The following XAGE2 variants were observed in gnomAD, a reference collection of about 807,000 sequenced individuals.
XAGE2 encodes G antigen family D member 3.
Under a neutral mutation model 9.9 loss-of-function variants are expected in XAGE2, and 7 were observed. That is an observed-to-expected ratio of 0.71 (90% CI 0.40 to 1.32). The LOEUF is 1.32. XAGE2 is among the 40% of genes most tolerant of loss of function. XAGE2 has a pLI of 0.01. For synonymous variants in XAGE2, 31 were observed against 26.8 expected, an observed-to-expected ratio of 1.16 and a Z score of -0.48; for missense variants, 85 against 81.0, an observed-to-expected ratio of 1.05 and a Z score of -0.19.
At position 52,370,702 on chromosome X, in the gene XAGE2, TA is replaced by T. The variant is rs1179659430; in HGVS notation, c.187+31del. ...TGGGAAAGGAAAGAAATAATGCCTA[TA>T]GGGGGAAGGAGGCCTATGTGTCCAT... On this transcript the variant is annotated intron_variant, in intron 3 of 4. Coordinates refer to ENST00000286049, the MANE Select transcript of XAGE2 (RefSeq NM_130777.3). The T allele has an allele frequency of 1.7e-4, 194 of 1,167,969 alleles. 1 individual carries two copies. The highest frequency in any genetic ancestry group is 5.4e-5 in the African/African-American group (3 of 55,909).
Position 52,374,430 on chromosome X carries a change from G to A in XAGE2, c.314-1139G>A, listed in dbSNP as rs1486187936. On this transcript the variant is annotated intron_variant, in intron 4 of 4. Coordinates refer to ENST00000286049, the MANE Select transcript of XAGE2 (RefSeq NM_130777.3). ...GTATTTTTAGTAGAGACGAGGTTTCGCCATGTTGGACAAGCTGTTCTCGAA... is the reference window on the plus strand; with the variant it reads ...GTATTTTTAGTAGAGACGAGGTTTCACCATGTTGGACAAGCTGTTCTCGAA... Among the ~76,000 whole-genome samples, 6 of 111,110 alleles carry A rather than the reference G, an allele frequency of 5.4e-5. No individual in the cohort carries two copies. In the South Asian group the frequency reaches 1.2e-3, roughly 21 times the overall value.
Position 52,373,607 on chromosome X carries a change from A to G in XAGE2, c.313+938A>G, listed in dbSNP as rs910150636. Among the ~76,000 whole-genome samples the G allele has an allele frequency of 1.4e-4, 16 of 112,089 alleles. 1 individual carries two copies. Among genetic ancestry groups the G allele is most frequent in the Middle Eastern group, 4.7e-3 (1 of 212 alleles). On this transcript the variant is annotated intron_variant, in intron 4 of 4. Coordinates refer to ENST00000286049, the MANE Select transcript of XAGE2 (RefSeq NM_130777.3). ...TGATATAATCACCTCTAACCATATC[A>G]TAGGTTACATATTACAGGTTTCTGC...
intron 4 of XAGE2, among the ~76,000 whole-genome samples, chrX:52,375,282 T>TA (rs1921288855): frequency 8.9e-6 from 1 of 112,068 alleles, no homozygotes; most frequent in African/African-American, 3.2e-5. Context: ...AATCCCTTTT[T>TA]AAGAGTTTCA....
Position 52,372,685 on chromosome X carries a change from A to G in XAGE2, c.313+16A>G. 8.3e-7 allele frequency: 1 copy of G among 1,209,326 alleles called. No homozygotes were observed. Among genetic ancestry groups the G allele is most frequent in the Non-Finnish European group, 1.1e-6 (1 of 893,735 alleles). On this transcript the variant is annotated intron_variant, in intron 4 of 4. Transcript: ENST00000286049. ...CCAGAAGCAGGTGTGTTATTCATTA[A>G]GACACAAAGTTATGTGATTTCTATT...
chrX:52,372,293 A>G (rs1160170924), intron 3 of XAGE2, among the ~76,000 whole-genome samples: 1 of 110,635 alleles, frequency 9.0e-6, no homozygotes, highest in East Asian at 2.9e-4. Flanking sequence ...TCAGGAGGTC[A>G]GGGCTGCAGT....
At chrX:52,370,139 C>A (rs2146413653) in intron 2 of XAGE2, 44 bp downstream of exon 2, 5 of 1,160,480 alleles carry the variant, frequency 4.3e-6, no homozygotes, top group East Asian at 5.9e-5. Flanking sequence ...GCAGAAATTT[C>A]TTTTGTGATA....
At chrX:52,372,744 T>G (rs1921224004) in intron 4 of XAGE2, 75 bp downstream of exon 4, 1 of 1,122,714 alleles carries the variant, frequency 8.9e-7, no homozygotes, top group Non-Finnish European at 1.2e-6. Context: ...CATAGAGAGA[T>G]AATATTACTG....
intron 4 of XAGE2, among the ~76,000 whole-genome samples, chrX:52,373,903 A>T (rs1921255166): frequency 1.8e-5 from 2 of 111,615 alleles, no homozygotes; most frequent in African/African-American, 6.5e-5. Context: ...ATTCTTAGGA[A>T]GATCACAGCC....
chrX:52,370,118 GT>G, intron 2 of XAGE2, 23 bp downstream of exon 2: 2 of 1,196,731 alleles, frequency 1.7e-6, no homozygotes, highest in Admixed American at 2.2e-5. Context: ...ATATTTTGAT[GT>G]TTTTTATTAG....
intron 3 of XAGE2, among the ~76,000 whole-genome samples, 197 bp downstream of exon 3, chrX:52,370,869 T>G (rs1921172736): frequency 8.9e-6 from 1 of 112,233 alleles, no homozygotes; most frequent in African/African-American, 3.2e-5. Flanking sequence ...ATCTTCTCTT[T>G]TTTTCAAGAT....
intron 4 of XAGE2, 103 bp from the exon 5 acceptor site, chrX:52,375,466 A>G (rs1469496656): frequency 1.2e-6 from 1 of 826,371 alleles, no homozygotes; most frequent in East Asian, 3.2e-5. Context: ...TTATGGTCTT[A>G]GTCCACTGTA....
chrX:52,370,702 T>C (rs925656177), intron 3 of XAGE2, 30 bp downstream of exon 3: 102 of 1,167,910 alleles, frequency 8.7e-5, no homozygotes, highest in Non-Finnish European at 1.2e-4. Context: ...ATAATGCCTA[T>C]AGGGGGAAGG....
intron 4 of XAGE2, among the ~76,000 whole-genome samples, chrX:52,373,601 C>A (rs1921246572): frequency 8.9e-6 from 1 of 111,796 alleles, no homozygotes; most frequent in Admixed American, 9.5e-5. Flanking sequence ...CACCTCTAAC[C>A]ATATCATAGG....
chrX:52,370,206 A>G, intron 2 of XAGE2, 111 bp downstream of exon 2: 1 of 812,292 alleles, frequency 1.2e-6, no homozygotes, highest in Non-Finnish European at 1.8e-6. Context: ...GATAAAAATG[A>G]TCATGCATCT....
chrX:52,375,460 G>A, intron 4 of XAGE2, 109 bp from the exon 5 acceptor site: 1 of 774,032 alleles, frequency 1.3e-6, no homozygotes, highest in Admixed American at 2.6e-5. Context: ...TTGGGTTTAT[G>A]GTCTTAGTCC....
intron 1 of XAGE2, 128 bp from the exon 2 acceptor site, chrX:52,369,879 C>T: frequency 1.4e-6 from 1 of 706,664 alleles, no homozygotes; most frequent in Non-Finnish European, 2.3e-6. Context: ...TTCTAGTTGC[C>T]CTGGGACTTA....
At chrX:52,374,672 G>A (rs1280041481) in intron 4 of XAGE2, among the ~76,000 whole-genome samples, 2 of 112,061 alleles carry the variant, frequency 1.8e-5, no homozygotes, top group Non-Finnish European at 3.8e-5. Flanking sequence ...ATGAACTTGT[G>A]AAATTTGCTA....
chrX:52,375,447 C>T, intron 4 of XAGE2, 122 bp from the exon 5 acceptor site: 1 of 674,413 alleles, frequency 1.5e-6, no homozygotes, highest in South Asian at 2.7e-5. Flanking sequence ...CAGAGGGTGA[C>T]TCTTGGGTTT....
chrX:52,372,838 C>T (rs1921225748), intron 4 of XAGE2, among the ~76,000 whole-genome samples, 169 bp downstream of exon 4: 1 of 112,564 alleles, frequency 8.9e-6, no homozygotes, highest in South Asian at 3.6e-4. Context: ...CTTAAATGCT[C>T]TCAGATACAG....
Sources: gnomAD v4.1 joint callset for allele counts (sites outside exome capture counted in the v4.1 genomes callset) on GRCh38, gnomAD v4.1.1 for gene constraint, MANE v1.5 for transcripts, NCBI Gene and HGNC (gene_info 2026-07-23, HGNC 2026-07-21) for gene names.